Variants in GALNTL6 observed in about 807,000 individuals in gnomAD.
The protein encoded by GALNTL6 is polypeptide N-acetylgalactosaminyltransferase-like 6.
GALNTL6 carries 46 observed loss-of-function variants against 73.7 expected under a neutral mutation model. The observed-to-expected ratio is 0.62, with a 90% confidence interval of 0.49 to 0.80. The LOEUF is 0.80. Ranked by LOEUF, GALNTL6 falls within the 30% of genes least tolerant of loss-of-function variation. The probability of loss-of-function intolerance (pLI) is 0.00; values close to 1 mark genes in which losing one functional copy is unlikely to be tolerated. For synonymous variants in GALNTL6, 259 were observed against 263.7 expected, an observed-to-expected ratio of 0.98 and a Z score of 0.17; for missense variants, 604 against 755.0, an observed-to-expected ratio of 0.80 and a Z score of 2.34.
At chr4:172,681,857 A>G (rs1434341438) in intron 5 of GALNTL6, among the ~76,000 whole-genome samples, 1 of 152,168 alleles carries the variant, frequency 6.6e-6, no homozygotes, top group African/African-American at 2.4e-5. Context: ...TCCTGTTCCT[A>G]TCAAATTAAC....
intron 5 of GALNTL6, among the ~76,000 whole-genome samples, chr4:172,487,529 G>T (rs1366966061): frequency 6.6e-6 from 1 of 151,828 alleles, no homozygotes; most frequent in Non-Finnish European, 1.5e-5. Flanking sequence ...TGGGACTACA[G>T]GTGTGGGCCA....
intron 5 of GALNTL6, among the ~76,000 whole-genome samples, chr4:172,528,589 C>A (rs891197437): frequency 4.0e-5 from 6 of 151,292 alleles, no homozygotes; most frequent in African/African-American, 9.7e-5. Flanking sequence ...TTGTGATCCG[C>A]CCACCTTGGC....
chr4:172,174,970 T>A (rs1490268452), intron 2 of GALNTL6, among the ~76,000 whole-genome samples: 5 of 152,238 alleles, frequency 3.3e-5, no homozygotes, highest in African/African-American at 1.2e-4. Context: ...TTGTTAATAC[T>A]TAACACGCAC....
At chr4:172,371,737 C>T (rs1444841606) in intron 5 of GALNTL6, among the ~76,000 whole-genome samples, 1 of 151,824 alleles carries the variant, frequency 6.6e-6, no homozygotes, top group East Asian at 1.9e-4. Flanking sequence ...CCTTCTTTGA[C>T]TTTGTCTCTC....
chr4:172,790,023 T>C (rs904109619), intron 5 of GALNTL6, among the ~76,000 whole-genome samples: 1 of 152,218 alleles, frequency 6.6e-6, no homozygotes, highest in Non-Finnish European at 1.5e-5. Flanking sequence ...GCTCAGATTC[T>C]GTGAGAATCC....
intron 7 of GALNTL6, among the ~76,000 whole-genome samples, chr4:172,843,810 G>T (rs1378121806): frequency 6.6e-6 from 1 of 152,170 alleles, no homozygotes; most frequent in African/African-American, 2.4e-5. Context: ...TGCAATCCCA[G>T]GACTTTGGGA....
At chr4:172,893,469 G>C (rs781373803) in intron 8 of GALNTL6, among the ~76,000 whole-genome samples, 13 of 152,238 alleles carry the variant, frequency 8.5e-5, no homozygotes, top group Non-Finnish European at 1.3e-4. Context: ...GACCCCTCAG[G>C]GTCCAGTGCT....
intron 2 of GALNTL6, among the ~76,000 whole-genome samples, chr4:172,207,303 A>T (rs1736169676): frequency 6.6e-6 from 1 of 152,050 alleles, no homozygotes; most frequent in African/African-American, 2.4e-5. Flanking sequence ...CCTACTTTGG[A>T]TCTTTGTGGA....
At chr4:173,037,967 T>A (rs1417453135) in intron 12 of GALNTL6, among the ~76,000 whole-genome samples, 2 of 152,224 alleles carry the variant, frequency 1.3e-5, no homozygotes, top group Non-Finnish European at 2.9e-5. Context: ...GGTCTCGAAT[T>A]CCTGGCCTCA....
At chr4:172,132,524 T>C (rs1733526620) in intron 2 of GALNTL6, among the ~76,000 whole-genome samples, 1 of 152,134 alleles carries the variant, frequency 6.6e-6, no homozygotes, top group Admixed American at 6.5e-5. Context: ...ACCTTAAATA[T>C]TGTGGTATGT....
At chr4:171,929,912 C>T (rs375238103) in intron 2 of GALNTL6, among the ~76,000 whole-genome samples, 1 of 152,224 alleles carries the variant, frequency 6.6e-6, no homozygotes, top group East Asian at 1.9e-4. Context: ...CACACCTGGC[C>T]CAACAGCCGG....
At chr4:172,917,458 G>A (rs192178646) in intron 8 of GALNTL6, among the ~76,000 whole-genome samples, 85 of 152,228 alleles carry the variant, frequency 5.6e-4, no homozygotes, top group South Asian at 1.4e-3. Flanking sequence ...AAAGTGAACA[G>A]GCAACATACA....
At chr4:171,862,666 A>G (rs957013464) in intron 2 of GALNTL6, among the ~76,000 whole-genome samples, 2 of 152,100 alleles carry the variant, frequency 1.3e-5, no homozygotes, top group African/African-American at 4.8e-5. Flanking sequence ...CATTTTATAA[A>G]GAATGTCATA....
intron 2 of GALNTL6, among the ~76,000 whole-genome samples, chr4:171,864,303 G>A (rs1376326356): frequency 6.6e-6 from 1 of 152,070 alleles, no homozygotes. Context: ...AATATAAAAG[G>A]TCACGATTAT....
At chr4:172,340,287 A>G (rs1481341763) in intron 4 of GALNTL6, among the ~76,000 whole-genome samples, 1 of 152,228 alleles carries the variant, frequency 6.6e-6, no homozygotes. Context: ...AATATAGTGC[A>G]TCACATTCAT....
chr4:172,981,781 G>C lies in GALNTL6; in HGVS notation c.1372-27397G>C, dbSNP rs1255506581. 2.1e-5 allele frequency among the ~76,000 whole-genome samples: 3 copies of C among 144,140 alleles called. No homozygotes were observed. In the East Asian group the frequency reaches 6.4e-4, roughly 31 times the overall value. 94.6% of individuals were successfully genotyped at this position (144,140 alleles called of 152,430 possible). On this transcript the variant is annotated intron_variant, in intron 10 of 12. Transcript: ENST00000506823. ...TTGCATTAAATCTATAGAATGCTTT[G>C]AGTAGTATGAACGTCTTTTTTTTTT...
chr4:172,652,413 A>G (rs935401970), intron 5 of GALNTL6, among the ~76,000 whole-genome samples: 20 of 152,224 alleles, frequency 1.3e-4, no homozygotes, highest in African/African-American at 4.8e-4. Flanking sequence ...GAACAGAACT[A>G]TTTCCAAGGA....
intron 11 of GALNTL6, among the ~76,000 whole-genome samples, chr4:173,012,533 C>T (rs1432841322): frequency 6.6e-6 from 1 of 152,218 alleles, no homozygotes; most frequent in Non-Finnish European, 1.5e-5. Flanking sequence ...GACTGTGGGC[C>T]TTGTAGCCAG....
intron 7 of GALNTL6, among the ~76,000 whole-genome samples, chr4:172,843,427 G>A (rs569138409): frequency 9.2e-5 from 14 of 152,282 alleles, no homozygotes; most frequent in African/African-American, 3.4e-4. Context: ...CCTGGAAAGC[G>A]TTGCTTCAGT....
Sources: allele counts gnomAD v4.1 joint callset (sites outside exome capture counted in the v4.1 genomes callset), GRCh38; gene constraint gnomAD v4.1.1; transcripts MANE v1.5; gene names NCBI Gene and HGNC (gene_info 2026-07-23, HGNC 2026-07-21).